The following PWWP2A variants were observed in gnomAD, a reference collection of about 807,000 sequenced individuals.
PWWP2A encodes the protein PWWP domain-containing protein 2A.
Under a neutral mutation model 48.5 loss-of-function variants are expected in PWWP2A, and 18 were observed. That is an observed-to-expected ratio of 0.37 (90% CI 0.26 to 0.55). The LOEUF is 0.55. Among genes scored for constraint, PWWP2A ranks in the 20% least tolerant of loss-of-function variants. PWWP2A has a pLI of 0.81. For missense variants in PWWP2A, 867 were observed against 976.4 expected, an observed-to-expected ratio of 0.89 and a Z score of 1.49; for synonymous variants, 396 against 387.7, an observed-to-expected ratio of 1.02 and a Z score of -0.25.
chr5:160,089,560 T>G (rs777639486), downstream of PWWP2A: 1 of 1,288,198 alleles, frequency 7.8e-7, no homozygotes, highest in Non-Finnish European at 1.0e-6. Context: ...TAAATGAGAG[T>G]TGAATGGATG....
intron 1 of PWWP2A, among the ~76,000 whole-genome samples, chr5:160,108,087 T>A (rs914615992): frequency 3.3e-5 from 5 of 152,156 alleles, no homozygotes; most frequent in Admixed American, 3.3e-4. Context: ...AAAATATATT[T>A]TTAAGTTTTA....
rs1758463758 is a variant in PWWP2A at position 160,119,164 on chromosome 5, C to CGGCGGCGGCGGT, written c.213_224dup (p.Pro72_Pro75dup). 2 of 1,525,736 alleles carry CGGCGGCGGCGGT rather than the reference C, an allele frequency of 1.3e-6. No individual in the cohort carries two copies. Among genetic ancestry groups the CGGCGGCGGCGGT allele is most frequent in the Non-Finnish European group, 1.7e-6 (2 of 1,152,666 alleles). The allele number at this position is 1,525,736 out of a possible 1,614,324, so 94.5% of individuals were successfully genotyped here. A position where few individuals can be genotyped will look rare whatever the true frequency, so the allele number is the denominator to read the frequency against. On this transcript the variant is annotated inframe_insertion, in exon 1 of 2. Coordinates refer to ENST00000307063, the MANE Select transcript of PWWP2A (RefSeq NM_001130864.2). ...CCTCTGGGCTGCGGGCGAGCTCCCC[C>CGGCGGCGGCGGT]GGCGGCGGCGGTGGCGGCGGGAGCG...
chr5:160,083,887 C>T (rs1205310874), intron 2 of PWWP2A, among the ~76,000 whole-genome samples: 4 of 152,190 alleles, frequency 2.6e-5, no homozygotes, highest in East Asian at 1.9e-4. Flanking sequence ...AATATGTTAA[C>T]ACAGGTCTCC....
downstream of PWWP2A, chr5:160,089,683 A>T (rs969917248): frequency 7.8e-7 from 1 of 1,280,082 alleles, no homozygotes; most frequent in Non-Finnish European, 1.0e-6. Context: ...AGACATTCTT[A>T]GCTTTCACAA....
intron 1 of PWWP2A, among the ~76,000 whole-genome samples, chr5:160,109,794 T>TATAAAATAATATAATA (rs1757341657): frequency 1.6e-5 from 2 of 126,400 alleles, no homozygotes; most frequent in Non-Finnish European, 1.6e-5. Flanking sequence ...TATATATATA[T>TATAAAATAATATAATA]ATATATATAT....
chr5:160,051,251 C>A, the PWWP2A span: 1 of 1,286,694 alleles, frequency 7.8e-7, no homozygotes, highest in Non-Finnish European at 1.1e-6. Context: ...ATAGCGAATA[C>A]TAGAGGAGAA....
chr5:160,062,485 C>T (rs1753447803), intron 5 of PWWP2A, among the ~76,000 whole-genome samples: 1 of 152,332 alleles, frequency 6.6e-6, no homozygotes, highest in Middle Eastern at 3.4e-3. Flanking sequence ...GGTCTGCCTC[C>T]CCACTAGACT....
chr5:160,090,150 T>C (rs1272596897), downstream of PWWP2A: 1 of 985,114 alleles, frequency 1.0e-6, no homozygotes, highest in East Asian at 1.1e-4. Flanking sequence ...CTGATTGTTA[T>C]TTTTATATTC....
the PWWP2A span, among the ~76,000 whole-genome samples, chr5:160,044,604 T>C: frequency 6.6e-5 from 10 of 152,354 alleles, no homozygotes; most frequent in African/African-American, 2.4e-4. Flanking sequence ...TGTTAATGCA[T>C]TATAATTTGC....
chr5:160,113,535 T>C (rs1243443437), intron 1 of PWWP2A, among the ~76,000 whole-genome samples: 1 of 152,186 alleles, frequency 6.6e-6, no homozygotes, highest in African/African-American at 2.4e-5. Context: ...ATAAAAGCAA[T>C]AACTAGTCCT....
At chr5:160,115,014 G>A (rs1351464411) in intron 1 of PWWP2A, among the ~76,000 whole-genome samples, 1 of 151,776 alleles carries the variant, frequency 6.6e-6, no homozygotes, top group Non-Finnish European at 1.5e-5. Flanking sequence ...GCATGTGTCT[G>A]TAGTCCCAGC....
chr5:160,044,746 C>T, the PWWP2A span, among the ~76,000 whole-genome samples: 2 of 152,200 alleles, frequency 1.3e-5, no homozygotes, highest in Admixed American at 6.5e-5. Context: ...GTGCCAACCT[C>T]CTGTCTCATC....
chr5:160,117,898 C>A, intron 1 of PWWP2A: 7 of 983,986 alleles, frequency 7.1e-6, no homozygotes, highest in Non-Finnish European at 8.4e-6. Flanking sequence ...AATGGAAAGC[C>A]GTGAATGGGA....
chr5:160,090,252 T>C (rs970708430), downstream of PWWP2A: 21 of 985,258 alleles, frequency 2.1e-5, no homozygotes, highest in Non-Finnish European at 2.4e-5. Flanking sequence ...TACCAAGCAC[T>C]TGACCATATC....
chr5:160,063,096 CTT>C (rs1753478967), intron 5 of PWWP2A, among the ~76,000 whole-genome samples: 1 of 152,186 alleles, frequency 6.6e-6, no homozygotes, highest in South Asian at 2.1e-4. Context: ...GTTCTGGGAG[CTT>C]TCTCAATTTA....
At chr5:160,045,524 T>TCTCTCC in the PWWP2A span, among the ~76,000 whole-genome samples, 298 of 106,522 alleles carry the variant, frequency 2.8e-3, 17 homozygotes, top group African/African-American at 0.011. Context: ...ATACACACTC[T>TCTCTCC]CTCTCTCTCT....
intron 1 of PWWP2A, among the ~76,000 whole-genome samples, chr5:160,112,363 A>C (rs1413512321): frequency 1.3e-5 from 2 of 151,860 alleles, no homozygotes; most frequent in Non-Finnish European, 2.9e-5. Flanking sequence ...TGGGATTATA[A>C]GTGCATGCCA....
the PWWP2A span, among the ~76,000 whole-genome samples, chr5:160,048,521 C>A: frequency 1.3e-5 from 2 of 152,108 alleles, no homozygotes; most frequent in Admixed American, 6.5e-5. Context: ...TATGTTGAAC[C>A]AAAACATAGC....
exon 4 of PWWP2A, chr5:160,076,100 G>A (rs1390077525): frequency 2.0e-5 from 3 of 151,980 alleles, no homozygotes; most frequent in African/African-American, 7.2e-5. Context: ...CATGGTAGGT[G>A]TAGGTTTTAA....
Sources: gnomAD v4.1 joint callset for allele counts (sites outside exome capture counted in the v4.1 genomes callset) on GRCh38, gnomAD v4.1.1 for gene constraint, MANE v1.5 for transcripts, NCBI Gene and HGNC (gene_info 2026-07-23, HGNC 2026-07-21) for gene names.